The following CDC5L variants were observed in gnomAD, a reference collection of about 807,000 sequenced individuals.
CDC5L encodes the protein cell division cycle 5-like protein.
A neutral mutation model predicts 104.1 loss-of-function variants in CDC5L; 18 were observed. The ratio of observed to expected loss-of-function variants is 0.17; its 90% CI spans 0.12 to 0.26. CDC5L has a LOEUF of 0.26. Ranked by LOEUF, CDC5L falls within the 10% of genes least tolerant of loss-of-function variation. CDC5L has a pLI of 1.00. For missense variants in CDC5L, 673 were observed against 956.9 expected (o/e 0.70, Z 3.91); for synonymous variants, 331 against 322.7 (o/e 1.03, Z -0.28).
In CDC5L at chr6:44,396,390, G is replaced by A. The variant is rs148340392; in HGVS notation, c.489G>A (p.Gln163=). The A allele has an allele frequency of 6.8e-6, 11 of 1,612,964 alleles. No individual in the cohort carries two copies. The Admixed American group carries it at 1.7e-4, about 24-fold the overall frequency. ...CCAGAGCCCGCTTGGCTAATACTCA[G>A]GGAAAGAAGGCCAAGAGGAAAGCAA... ...SEARARLANT[Q]GKKAKRKARE... The change falls in exon 5 of 16, where the codon CAG becomes CAA. Residue 163 remains glutamine (Q), a synonymous_variant. Transcript: ENST00000371477.
chr6:44,424,902 T>C (rs1792350698), intron 11 of CDC5L, among the ~76,000 whole-genome samples: 1 of 152,172 alleles, frequency 6.6e-6, no homozygotes, highest in Admixed American at 6.6e-5. Flanking sequence ...ATGTTATTGG[T>C]TAGTCTTAAA....
At chr6:44,432,156 T>C (rs1050463060) in intron 14 of CDC5L, among the ~76,000 whole-genome samples, 1 of 152,244 alleles carries the variant, frequency 6.6e-6, no homozygotes, top group Non-Finnish European at 1.5e-5. Flanking sequence ...ACTAGGTTTC[T>C]TTTAGCTTGT....
In CDC5L at chr6:44,426,604, T is replaced by G; in HGVS notation, c.1773T>G (p.Pro591=). The stretch of plus-strand genomic sequence containing the variant: ...TTCATTATGACCTTCTACATCACCC[T>G]TATGAACCATCTGGAAATAAAAAAG... ...TMLHYDLLHH[P]YEPSGNKKGK... The change falls in exon 13 of 16, where the codon CCT becomes CCG. Residue 591 remains proline (P), a synonymous_variant. Transcript: ENST00000371477. The G allele has an allele frequency of 6.2e-7, 1 of 1,613,548 alleles. No homozygotes were observed. The highest frequency in any genetic ancestry group is 8.5e-7 in the Non-Finnish European group (1 of 1,179,694).
Position 44,403,917 on chromosome 6 carries a change from T to A in CDC5L, c.648T>A (p.Phe216Leu). The A allele has an allele frequency of 1.9e-6, 3 of 1,613,622 alleles. No individual in the cohort carries two copies. Among genetic ancestry groups the A allele is most frequent in the Non-Finnish European group, 2.5e-6 (3 of 1,179,756 alleles). ...TTGATTATAATGCCGAAATCCCATTTGAAAAAAAGCCTGCCCTTGGTTTTT... is the reference window on the plus strand; with the variant it reads ...TTGATTATAATGCCGAAATCCCATTAGAAAAAAAGCCTGCCCTTGGTTTTT... ...RGVDYNAEIP[F>L]EKKPALGFYD... The change falls in exon 6 of 16, where the codon TTT becomes TTA. Residue 216 changes from phenylalanine to leucine, a missense_variant. Phe to Leu is a conservative substitution (Grantham distance 22). Around this residue, in one of 4 missense-constraint regions of CDC5L, gnomAD observed 578 missense variants for 737.0 expected, o/e 0.78. Transcript: ENST00000371477.
At chr6:44,436,926 TGATA>T (rs1443007356) in intron 14 of CDC5L, among the ~76,000 whole-genome samples, 2 of 152,248 alleles carry the variant, frequency 1.3e-5, no homozygotes, top group Non-Finnish European at 1.5e-5. Context: ...TTCCTATCAG[TGATA>T]GTGAACTTCA....
Position 44,387,871 on chromosome 6 carries a change from A to G in CDC5L, c.45+3A>G, listed in dbSNP as rs372470741. On this transcript the variant is annotated splice_donor_region_variant and intron_variant, in intron 1 of 15. Transcript: ENST00000371477. ...GGGGCGTATGGAGGAATACCGAGGT[A>G]AGTCTCCTTTTCCCGCCGTCCGCTG... 7 of 1,559,936 alleles carry G rather than the reference A, an allele frequency of 4.5e-6. No individual in the cohort carries two copies. The highest frequency in any genetic ancestry group is 6.1e-6 in the Non-Finnish European group (7 of 1,151,156).
chr6:44,406,543 C>A, intron 7 of CDC5L, 76 bp downstream of exon 7: 1 of 1,302,408 alleles, frequency 7.7e-7, no homozygotes, highest in Non-Finnish European at 1.1e-6. Context: ...TGTTTGAAGG[C>A]CTGTGTACCA....
chr6:44,398,992 G>A (rs1007952176), intron 5 of CDC5L, among the ~76,000 whole-genome samples: 8 of 152,198 alleles, frequency 5.3e-5, no homozygotes, highest in South Asian at 2.1e-4. Flanking sequence ...TTAAGAGAGG[G>A]TCTTTCTCTG....
intron 14 of CDC5L, among the ~76,000 whole-genome samples, chr6:44,444,952 T>C (rs1161117692): frequency 6.6e-6 from 1 of 152,104 alleles, no homozygotes; most frequent in Non-Finnish European, 1.5e-5. Flanking sequence ...AAGGCTACTT[T>C]TGCACTGTCC....
At chr6:44,400,278 A>T (rs1791061362) in intron 5 of CDC5L, among the ~76,000 whole-genome samples, 1 of 152,148 alleles carries the variant, frequency 6.6e-6, no homozygotes, top group Admixed American at 6.5e-5. Context: ...TGCATGTCTT[A>T]TAATTTTTTG....
intron 1 of CDC5L, among the ~76,000 whole-genome samples, chr6:44,389,905 T>C (rs557686108): frequency 5.5e-4 from 83 of 152,242 alleles, no homozygotes; most frequent in African/African-American, 1.8e-3. Context: ...TTTTTGTTGT[T>C]GTTGTGTTTT....
intron 14 of CDC5L, among the ~76,000 whole-genome samples, chr6:44,431,445 G>A (rs1197118743): frequency 6.6e-6 from 1 of 152,148 alleles, no homozygotes; most frequent in Non-Finnish European, 1.5e-5. Flanking sequence ...GTGTAATTGT[G>A]ATCTAATATC....
Position 44,448,724 on chromosome 6 carries a change from ATGTTT to A in CDC5L, c.*2018_*2022del, listed in dbSNP as rs1332843188. ...GATAGTTTTATTTCACTTTTATTGC[ATGTTT>A]TGTTATCTGAAATGTTTAGGACAAT... is the stretch of plus-strand genomic sequence containing the variant. On this transcript the variant is annotated 3_prime_UTR_variant, in exon 16 of 16. Coordinates refer to ENST00000371477, the MANE Select transcript of CDC5L (RefSeq NM_001253.4). 3 of 152,098 alleles carry A rather than the reference ATGTTT, an allele frequency of 2.0e-5. No individual in the cohort carries two copies. The highest frequency in any genetic ancestry group is 6.5e-5 in the Admixed American group (1 of 15,268). The allele number at this position is 152,098 out of a possible 1,614,324, so 9.4% of individuals were successfully genotyped here.
intron 8 of CDC5L, among the ~76,000 whole-genome samples, chr6:44,415,808 G>T (rs2153379800): frequency 6.6e-6 from 1 of 152,244 alleles, no homozygotes; most frequent in South Asian, 2.1e-4. Context: ...TACTATGGAG[G>T]AAGAGAATGG....
At chr6:44,423,523 A>G (rs992054317) in intron 10 of CDC5L, among the ~76,000 whole-genome samples, 1 of 152,194 alleles carries the variant, frequency 6.6e-6, no homozygotes, top group African/African-American at 2.4e-5. Context: ...GTAGTTAAAG[A>G]AGGGAATAGT....
intron 14 of CDC5L, among the ~76,000 whole-genome samples, chr6:44,443,407 G>T (rs1793303940): frequency 6.6e-6 from 1 of 151,494 alleles, no homozygotes; most frequent in Middle Eastern, 3.4e-3. Flanking sequence ...CCAGCCTTGG[G>T]AATTTTTCTG....
At chr6:44,407,329 C>T (rs867048608) in intron 7 of CDC5L, among the ~76,000 whole-genome samples, 1 of 150,950 alleles carries the variant, frequency 6.6e-6, no homozygotes, top group Non-Finnish European at 1.5e-5. Context: ...CTTAGGGTAA[C>T]CTTTTTTTTT....
intron 14 of CDC5L, among the ~76,000 whole-genome samples, chr6:44,437,170 G>A (rs1792976744): frequency 6.6e-6 from 1 of 152,154 alleles, no homozygotes; most frequent in South Asian, 2.1e-4. Context: ...GTGGATGGGT[G>A]TTGGGAGGAG....
intron 8 of CDC5L, among the ~76,000 whole-genome samples, chr6:44,418,636 C>T (rs1259314620): frequency 2.0e-5 from 3 of 152,066 alleles, no homozygotes; most frequent in Non-Finnish European, 4.4e-5. Context: ...GTTCCTATTT[C>T]TCCACATCCT....
Sources: allele counts gnomAD v4.1 joint callset (sites outside exome capture counted in the v4.1 genomes callset), GRCh38; gene constraint gnomAD v4.1.1; regional missense constraint gnomAD v4.1.1; transcripts MANE v1.5; gene names NCBI Gene and HGNC (gene_info 2026-07-23, HGNC 2026-07-21).